Variants in MPHOSPH9 observed in about 807,000 individuals in gnomAD.
MPHOSPH9 encodes the protein M-phase phosphoprotein 9.
MPHOSPH9 carries 88 observed loss-of-function variants against 145.5 expected under a neutral mutation model. The observed-to-expected ratio is 0.60, with a 90% CI of 0.51 to 0.72. MPHOSPH9 has a LOEUF of 0.72. Among genes scored for constraint, MPHOSPH9 ranks in the 30% least tolerant of loss-of-function variants. The pLI, the probability that MPHOSPH9 is intolerant of heterozygous loss-of-function variation, is 0.00. For missense variants in MPHOSPH9, 1,238 were observed against 1,386.6 expected (o/e 0.89, Z 1.70); for synonymous variants, 435 against 486.2 (o/e 0.89, Z 1.39).
chr12:123,169,720 C>T (rs554385167), intron 16 of MPHOSPH9, among the ~76,000 whole-genome samples: 1 of 151,524 alleles, frequency 6.6e-6, no homozygotes, highest in South Asian at 2.1e-4. Context: ...CCTGCCTCAG[C>T]CTCCACAGTT....
chr12:123,169,447 C>T (rs10846475), intron 16 of MPHOSPH9, among the ~76,000 whole-genome samples: 1 of 150,672 alleles, frequency 6.6e-6, no homozygotes, highest in East Asian at 2.1e-4. Context: ...TGCAGTGAGC[C>T]GAGATTGCAC....
chr12:123,241,233 C>T (rs118093046), intron 1 of MPHOSPH9, among the ~76,000 whole-genome samples: 4,768 of 151,522 alleles, frequency 0.031, 162 homozygotes, highest in Admixed American at 0.098. Context: ...TTCATGGGCT[C>T]CTCCCACCTC....
In MPHOSPH9 at chr12:123,202,154, T is replaced by C. The variant is rs751927758; in HGVS notation, c.1937+10A>G. On this transcript the variant is annotated intron_variant, in intron 11 of 23. Coordinates refer to ENST00000606320, the MANE Select transcript of MPHOSPH9 (RefSeq NM_022782.4). ...TGGAGAAAACTTCACAGCTAAATTA[T>C]AAATTTTACCTGTCTACAAGAATTT... 17 of 1,595,618 alleles carry C rather than the reference T, an allele frequency of 1.1e-5. No homozygotes were observed. Among genetic ancestry groups the C allele is most frequent in the Middle Eastern group, 3.5e-4 (2 of 5,644 alleles).
At chr12:123,173,930 C>T (rs573141744) in intron 16 of MPHOSPH9, among the ~76,000 whole-genome samples, 22 of 152,276 alleles carry the variant, frequency 1.4e-4, no homozygotes, top group Non-Finnish European at 1.9e-4. Flanking sequence ...GTTGGTTAGA[C>T]GTTTTGGAGG....
chr12:123,238,580 G>A (rs1175640632), intron 1 of MPHOSPH9, among the ~76,000 whole-genome samples: 1 of 152,030 alleles, frequency 6.6e-6, no homozygotes, highest in African/African-American at 2.4e-5. Context: ...AGACCAGACT[G>A]GGCAACATGA....
At chr12:123,206,043 T>C (rs749674710) in intron 8 of MPHOSPH9, among the ~76,000 whole-genome samples, 1 of 151,746 alleles carries the variant, frequency 6.6e-6, no homozygotes, top group Non-Finnish European at 1.5e-5. Context: ...CTAAGACAGG[T>C]AAAAAGCAGA....
chr12:123,212,853 T>G, intron 7 of MPHOSPH9, among the ~76,000 whole-genome samples: 1 of 143,304 alleles, frequency 7.0e-6, no homozygotes. Flanking sequence ...CATATGACCA[T>G]TCTGTTATTC....
Position 123,161,369 on chromosome 12 carries a change from C to G in MPHOSPH9, c.3148G>C (p.Glu1050Gln). 6.2e-7 allele frequency: 1 copy of G among 1,614,012 alleles called. No homozygotes were observed. Among genetic ancestry groups the G allele is most frequent in the Non-Finnish European group, 8.5e-7 (1 of 1,179,986 alleles). Reference protein sequence around the residue: ...LDDSEEKTYSEKATDNHVNHS... With the variant: ...LDDSEEKTYSQKATDNHVNHS... ...TTAACATGGTTATCGGTGGCTTTCTCAGAATAAGTTTTTTCTGTCAGAGAG... is the reference window on the plus strand; with the variant it reads ...TTAACATGGTTATCGGTGGCTTTCTGAGAATAAGTTTTTTCTGTCAGAGAG... The change falls in exon 22 of 24, where the codon GAG (glutamate) becomes CAG (glutamine). Residue 1050 changes from glutamate to glutamine, a missense_variant. By Grantham distance (29) the Glu-to-Gln change is conservative. This residue lies in a region of MPHOSPH9 where 393 missense variants were observed against 462.5 expected (regional missense o/e 0.85). Coordinates refer to ENST00000606320, the MANE Select transcript of MPHOSPH9 (RefSeq NM_022782.4).
intron 1 of MPHOSPH9, among the ~76,000 whole-genome samples, chr12:123,243,536 A>G (rs1000312353): frequency 9.4e-6 from 1 of 106,670 alleles, no homozygotes; most frequent in Admixed American, 9.9e-5. Context: ...TCTCAAAAAA[A>G]AAAAAAAAAA....
At chr12:123,157,710 C>T (rs1333848507) in intron 23 of MPHOSPH9, among the ~76,000 whole-genome samples, 2 of 152,140 alleles carry the variant, frequency 1.3e-5, no homozygotes, top group East Asian at 3.9e-4. Context: ...TGGTCTCGAA[C>T]TCCTGGCCTC....
At chr12:123,222,120 G>A (rs898661533) in intron 4 of MPHOSPH9, among the ~76,000 whole-genome samples, 13 of 151,754 alleles carry the variant, frequency 8.6e-5, no homozygotes, top group Non-Finnish European at 7.4e-5. Context: ...AGATCACAAG[G>A]TCAGGAGCTC....
In MPHOSPH9 at chr12:123,189,056, A is replaced by T. The variant is rs200924775; in HGVS notation, c.2241+5330T>A. The stretch of plus-strand genomic sequence containing the variant: ...GTCTCAAAAAAATAGAATGTGGTAC[A>T]AGTGATGCTGTACAGTTTCCAAGGC... On this transcript the variant is annotated intron_variant, in intron 13 of 23. Coordinates refer to ENST00000606320, the MANE Select transcript of MPHOSPH9 (RefSeq NM_022782.4). Among the ~76,000 whole-genome samples the T allele has an allele frequency of 2.6e-5, 4 of 152,274 alleles. No homozygotes were observed. The East Asian group carries it at 7.7e-4, about 29-fold the overall frequency.
intron 12 of MPHOSPH9, among the ~76,000 whole-genome samples, chr12:123,196,338 G>A (rs539727156): frequency 7.4e-4 from 113 of 152,158 alleles, no homozygotes; most frequent in Non-Finnish European, 6.9e-4. Context: ...CAACAAGGGC[G>A]AGACTCCATC....
At chr12:123,204,103 G>A (rs2046324604) in intron 8 of MPHOSPH9, among the ~76,000 whole-genome samples, 1 of 152,126 alleles carries the variant, frequency 6.6e-6, no homozygotes, top group Non-Finnish European at 1.5e-5. Flanking sequence ...GAGAGTTTGA[G>A]ACCAGCCTAG....
rs147404504 is a variant in MPHOSPH9 at position 123,221,812 on chromosome 12, G to C, written c.432C>G (p.Asn144Lys). The C allele has an allele frequency of 6.4e-4, 1,031 of 1,613,720 alleles. 4 individuals carry two copies. In the African/African-American group the frequency reaches 0.013, roughly 20 times the overall value. The change falls in exon 5 of 24, where the codon AAC becomes AAG. Residue 144 changes from asparagine to lysine, a missense_variant. Coordinates refer to ENST00000606320, the MANE Select transcript of MPHOSPH9 (RefSeq NM_022782.4). ...TTTGACTTTCCGAAGATACTTGTTTGTTTGAAGAATTTCCTTCACAGGAAG... is the reference window on the plus strand; with the variant it reads ...TTTGACTTTCCGAAGATACTTGTTTCTTTGAAGAATTTCCTTCACAGGAAG... Reference protein sequence around the residue: ...SLASCEGNSSNKQVSSESQMG... With the variant: ...SLASCEGNSSKKQVSSESQMG...
chr12:123,221,797 C>T lies in MPHOSPH9; in HGVS notation c.447G>A (p.Ser149=), dbSNP rs1308765591. Residue 149 remains serine, a synonymous_variant, in exon 5 of 24, where the codon TCG becomes TCA. Coordinates refer to ENST00000606320, the MANE Select transcript of MPHOSPH9 (RefSeq NM_022782.4). ...EGNSSNKQVS[S]ESQMGFFSLS... ...GAGAAAAAAAACCCATTTGACTTTC[C>T]GAAGATACTTGTTTGTTTGAAGAAT... The T allele has an allele frequency of 7.4e-6, 12 of 1,613,976 alleles. No individual in the cohort carries two copies. The East Asian group carries it at 8.9e-5, about 12-fold the overall frequency.
rs373828039 is a variant in MPHOSPH9 at position 123,191,357 on chromosome 12, C to T, written c.2241+3029G>A. 7.2e-5 allele frequency among the ~76,000 whole-genome samples: 11 copies of T among 152,210 alleles called. No homozygotes were observed. The South Asian group carries it at 1.0e-3, about 14-fold the overall frequency. On this transcript the variant is annotated intron_variant, in intron 13 of 23. Coordinates refer to ENST00000606320, the MANE Select transcript of MPHOSPH9 (RefSeq NM_022782.4). ...GAAAAAGAAAAAGAAACAATGACAT[C>T]CCAGTAGCAATGAACATACTCAGTA...
chr12:123,193,106 TATACAC>T (rs1468794684), intron 13 of MPHOSPH9, among the ~76,000 whole-genome samples: 1 of 97,242 alleles, frequency 1.0e-5, no homozygotes, highest in African/African-American at 4.5e-5. Flanking sequence ...AATATATATA[TATACAC>T]ACACACACAC....
At chr12:123,220,772 G>A (rs2047162832) in intron 5 of MPHOSPH9, among the ~76,000 whole-genome samples, 1 of 151,670 alleles carries the variant, frequency 6.6e-6, no homozygotes, top group African/African-American at 2.4e-5. Flanking sequence ...AAAAAAAATT[G>A]TGGCTGGGCG....
Sources: gnomAD v4.1 joint callset for allele counts (sites outside exome capture counted in the v4.1 genomes callset) on GRCh38, gnomAD v4.1.1 for gene constraint, gnomAD v4.1.1 regional missense constraint, MANE v1.5 for transcripts, NCBI Gene and HGNC (gene_info 2026-07-23, HGNC 2026-07-21) for gene names.